The following TMEM196 variants were observed in gnomAD, a reference collection of about 807,000 sequenced individuals.
The protein encoded by TMEM196 is transmembrane protein 196.
Under a neutral mutation model 20.0 loss-of-function variants are expected in TMEM196, and 17 were observed. The observed-to-expected ratio is 0.85, with a 90% CI of 0.58 to 1.27. The LOEUF is 1.27. Among genes scored for constraint, TMEM196 ranks in the 50% most tolerant of loss-of-function variants. TMEM196 has a pLI of 0.00. For synonymous variants in TMEM196, 113 were observed against 88.9 expected, an observed-to-expected ratio of 1.27 and a Z score of -1.52; for missense variants, 267 against 223.0, an observed-to-expected ratio of 1.20 and a Z score of -1.26.
Position 19,772,937 on chromosome 7 carries a change from T to G in TMEM196, c.-241A>C. 1 of 361,882 alleles carries G rather than the reference T, an allele frequency of 2.8e-6. No homozygotes were observed. The highest frequency in any genetic ancestry group is 4.9e-6 in the Non-Finnish European group (1 of 203,516). 22.4% of individuals were successfully genotyped at this position (361,882 alleles called of 1,614,324 possible). A position where few individuals can be genotyped will look rare whatever the true frequency, so the allele number is the denominator to read the frequency against. On this transcript the variant is annotated 5_prime_UTR_variant, in exon 1 of 5. Coordinates refer to ENST00000405844, the MANE Select transcript of TMEM196 (RefSeq NM_001363562.2). ...TTCAGATAGGGATCGTAGAAGGATCTTCCTGGGTTCGGTGGTGCGAAGATT... is the reference window on the plus strand; with the variant it reads ...TTCAGATAGGGATCGTAGAAGGATCGTCCTGGGTTCGGTGGTGCGAAGATT...
Position 19,772,932 on chromosome 7 carries a change from G to T in TMEM196, c.-236C>A. On this transcript the variant is annotated 5_prime_UTR_variant, in exon 1 of 5. Transcript: ENST00000405844. ...GCACGTTCAGATAGGGATCGTAGAA[G>T]GATCTTCCTGGGTTCGGTGGTGCGA... is the stretch of plus-strand genomic sequence containing the variant. 1 of 369,694 alleles carries T rather than the reference G, an allele frequency of 2.7e-6. No individual in the cohort carries two copies. Among genetic ancestry groups the T allele is most frequent in the Non-Finnish European group, 4.8e-6 (1 of 208,586 alleles). 22.9% of individuals were successfully genotyped at this position (369,694 alleles called of 1,614,324 possible).
chr7:19,765,124 TA>T (rs1279921307), intron 1 of TMEM196, among the ~76,000 whole-genome samples: 1 of 109,114 alleles, frequency 9.2e-6, no homozygotes, highest in Non-Finnish European at 1.8e-5. Flanking sequence ...AAATTAGAAA[TA>T]ATAATACATA....
intron 1 of TMEM196, among the ~76,000 whole-genome samples, chr7:19,755,564 T>C (rs1785177971): frequency 6.6e-6 from 1 of 152,216 alleles, no homozygotes; most frequent in African/African-American, 2.4e-5. Flanking sequence ...TATTGTGTCA[T>C]GGGTACAAAT....
chr7:19,736,018 T>TA (rs1419370840), intron 1 of TMEM196, among the ~76,000 whole-genome samples: 2 of 152,052 alleles, frequency 1.3e-5, no homozygotes, highest in Non-Finnish European at 1.5e-5. Context: ...GTTAAATGTT[T>TA]AAAAATTGTT....
At chr7:19,755,033 G>A (rs757719104) in intron 1 of TMEM196, among the ~76,000 whole-genome samples, 2 of 152,178 alleles carry the variant, frequency 1.3e-5, no homozygotes, top group African/African-American at 2.4e-5. Flanking sequence ...GACAATTCAT[G>A]TGAAAGTGCT....
chr7:19,728,614 AG>A (rs1234464352), intron 2 of TMEM196, among the ~76,000 whole-genome samples: 1 of 152,114 alleles, frequency 6.6e-6, no homozygotes, highest in Non-Finnish European at 1.5e-5. Flanking sequence ...TTAGGCTCAA[AG>A]GGTACTTCCT....
chr7:19,729,671 A>G (rs56080681), intron 1 of TMEM196, among the ~76,000 whole-genome samples: 8,156 of 152,292 alleles, frequency 0.054, 722 homozygotes, highest in African/African-American at 0.19. Context: ...CAGTTTTAGC[A>G]TCAGGTAAAA....
At chr7:19,728,207 T>C (rs1784067190) in intron 2 of TMEM196, among the ~76,000 whole-genome samples, 1 of 152,224 alleles carries the variant, frequency 6.6e-6, no homozygotes, top group African/African-American at 2.4e-5. Flanking sequence ...TCTCTCTCTC[T>C]TTTTTCTCTT....
intron 1 of TMEM196, among the ~76,000 whole-genome samples, chr7:19,755,009 TA>T (rs1785147840): frequency 6.6e-6 from 1 of 152,232 alleles, no homozygotes; most frequent in Admixed American, 6.5e-5. Context: ...ATCACGTAAC[TA>T]TGGTCTTAAA....
intron 1 of TMEM196, among the ~76,000 whole-genome samples, chr7:19,757,337 C>CTTTTTTTTTTTTTTTT (rs59859025): frequency 6.5e-4 from 46 of 70,866 alleles, no homozygotes; most frequent in African/African-American, 2.0e-3. Flanking sequence ...CCACACCCAG[C>CTTTTTTTTTTTTTTTT]TTTTTTTTTT....
At chr7:19,725,325 T>C (rs1386929561) in intron 3 of TMEM196, among the ~76,000 whole-genome samples, 189 bp downstream of exon 3, 1 of 152,158 alleles carries the variant, frequency 6.6e-6, no homozygotes, top group African/African-American at 2.4e-5. Flanking sequence ...TACAAAATGT[T>C]GTTGAAAATA....
At chr7:19,770,115 T>C (rs1280969556) in intron 1 of TMEM196, among the ~76,000 whole-genome samples, 1 of 152,200 alleles carries the variant, frequency 6.6e-6, no homozygotes, top group East Asian at 1.9e-4. Context: ...CCTGATAAAC[T>C]TCCAAGATCA....
intron 1 of TMEM196, among the ~76,000 whole-genome samples, chr7:19,762,758 A>C (rs145934467): frequency 1.3e-5 from 2 of 152,176 alleles, no homozygotes; most frequent in Non-Finnish European, 2.9e-5. Context: ...GAGTTGTGCC[A>C]GCTTTGAGTC....
intron 1 of TMEM196, among the ~76,000 whole-genome samples, chr7:19,765,902 G>A (rs1173830996): frequency 6.6e-6 from 1 of 152,152 alleles, no homozygotes; most frequent in East Asian, 1.9e-4. Context: ...AACTAGGGTT[G>A]ATGAAAGGTG....
intron 1 of TMEM196, among the ~76,000 whole-genome samples, chr7:19,748,365 G>A (rs990771607): frequency 1.3e-5 from 2 of 149,940 alleles, no homozygotes; most frequent in Admixed American, 6.7e-5. Context: ...TAATCATTGA[G>A]CATTAACTTA....
Position 19,753,221 on chromosome 7 carries a change from C to T in TMEM196, c.147+19329G>A, listed in dbSNP as rs553564518. ...TTATGTGGCTTATTACGTTTTGACTCATAAATATTTATATGCTTATTATCT... is the reference window on the plus strand; with the variant it reads ...TTATGTGGCTTATTACGTTTTGACTTATAAATATTTATATGCTTATTATCT... On this transcript the variant is annotated intron_variant, in intron 1 of 4. Transcript: ENST00000405844. Among the ~76,000 whole-genome samples the T allele has an allele frequency of 2.0e-5, 3 of 152,216 alleles. No individual in the cohort carries two copies. The South Asian group carries it at 6.2e-4, about 32-fold the overall frequency.
chr7:19,720,884 C>A lies in TMEM196; in HGVS notation c.*1244G>T, dbSNP rs1294806306. On this transcript the variant is annotated 3_prime_UTR_variant, in exon 5 of 5. Coordinates refer to ENST00000405844, the MANE Select transcript of TMEM196 (RefSeq NM_001363562.2). ...CATTGTTGGGGGGTTACATCATCTGCCCTTTTGTATCATTTAACTGGACTG... is the reference window on the plus strand; with the variant it reads ...CATTGTTGGGGGGTTACATCATCTGACCTTTTGTATCATTTAACTGGACTG... 6.6e-6 allele frequency: 1 copy of A among 151,776 alleles called. No homozygotes were observed. Among genetic ancestry groups the A allele is most frequent in the African/African-American group, 2.4e-5 (1 of 41,390 alleles). 9.4% of individuals were successfully genotyped at this position (151,776 alleles called of 1,614,324 possible).
At chr7:19,728,382 A>G (rs1217926451) in intron 2 of TMEM196, among the ~76,000 whole-genome samples, 2 of 152,206 alleles carry the variant, frequency 1.3e-5, no homozygotes, top group Non-Finnish European at 2.9e-5. Flanking sequence ...AAGCCTGAAA[A>G]AATACATTTT....
At chr7:19,764,539 C>CT (rs1785550388) in intron 1 of TMEM196, among the ~76,000 whole-genome samples, 1 of 152,158 alleles carries the variant, frequency 6.6e-6, no homozygotes, top group Non-Finnish European at 1.5e-5. Flanking sequence ...GCTTTGCACA[C>CT]TTTTCCTCCT....
Sources: allele counts gnomAD v4.1 joint callset (sites outside exome capture counted in the v4.1 genomes callset), GRCh38; gene constraint gnomAD v4.1.1; transcripts MANE v1.5; gene names NCBI Gene and HGNC (gene_info 2026-07-23, HGNC 2026-07-21).